The following HADHB variants were observed in gnomAD, a reference collection of about 807,000 sequenced individuals.
The protein encoded by HADHB is hydroxyacyl-CoA dehydrogenase trifunctional multienzyme complex subunit beta.
In HADHB, 50 loss-of-function variants were observed where a neutral mutation model predicts 61.9. That is an observed-to-expected ratio of 0.81 (90% CI 0.64 to 1.02). HADHB has a LOEUF of 1.02. Ranked by LOEUF, HADHB falls within the 50% of genes least tolerant of loss-of-function variation. The probability of loss-of-function intolerance (pLI) is 0.00; values close to 1 mark genes in which losing one functional copy is unlikely to be tolerated. For missense variants in HADHB, 504 were observed against 586.5 expected, an observed-to-expected ratio of 0.86 and a Z score of 1.45; for synonymous variants, 191 against 201.6, an observed-to-expected ratio of 0.95 and a Z score of 0.45.
intron 12 of HADHB, among the ~76,000 whole-genome samples, chr2:26,283,341 G>A (rs1214433068): frequency 6.6e-6 from 1 of 152,070 alleles, no homozygotes; most frequent in Non-Finnish European, 1.5e-5. Flanking sequence ...TGGCTAACAC[G>A]GTGAAGCCCT....
chr2:26,251,843 A>G (rs1030515892), intron 1 of HADHB, among the ~76,000 whole-genome samples: 2 of 152,138 alleles, frequency 1.3e-5, no homozygotes, highest in African/African-American at 2.4e-5. Context: ...AAGCTTTTGT[A>G]TTATCTATTT....
Position 26,261,027 on chromosome 2 carries a change from C to T in HADHB, c.110-2353C>T, listed in dbSNP as rs1230351951. The T allele has an allele frequency of 2.6e-6, 4 of 1,521,538 alleles. No individual in the cohort carries two copies. Among genetic ancestry groups the T allele is most frequent in the Admixed American group, 2.0e-5 (1 of 50,954 alleles). 94.3% of individuals were successfully genotyped at this position (1,521,538 alleles called of 1,614,324 possible). ...GTTGATCACTTGTAGGTAGATGACA[C>T]TGGTTTCTGGTTGGCTCCTATATGG... On this transcript the variant is annotated intron_variant, in intron 3 of 15. Transcript: ENST00000317799.
chr2:26,281,826 C>T (rs7595780), intron 10 of HADHB, among the ~76,000 whole-genome samples: 20 of 152,262 alleles, frequency 1.3e-4, no homozygotes, highest in African/African-American at 3.1e-4. Flanking sequence ...TATAAAAATA[C>T]GACAGAATGT....
intron 4 of HADHB, among the ~76,000 whole-genome samples, chr2:26,268,639 A>G (rs1199591793): frequency 6.6e-6 from 1 of 152,214 alleles, no homozygotes; most frequent in Non-Finnish European, 1.5e-5. Flanking sequence ...GACAAGGAAG[A>G]CTGAGAAACT....
chr2:26,246,490 C>G (rs990184226), intron 1 of HADHB, among the ~76,000 whole-genome samples: 1 of 151,976 alleles, frequency 6.6e-6, no homozygotes, highest in African/African-American at 2.4e-5. Context: ...CAAGCGCACA[C>G]CACCACGCCG....
chr2:26,289,927 A>G lies in HADHB; in HGVS notation c.1399A>G (p.Met467Val), dbSNP rs1323896748. 6.2e-7 allele frequency: 1 copy of G among 1,608,178 alleles called. No homozygotes were observed. The highest frequency in any genetic ancestry group is 8.5e-7 in the Non-Finnish European group (1 of 1,174,606). Residue 467 changes from methionine to valine, a missense_variant, in exon 16 of 16, where the codon ATG (methionine) becomes GTG (valine). Coordinates refer to ENST00000317799, the MANE Select transcript of HADHB (RefSeq NM_000183.3). ...TTTGTTTTCTTTACAGGGCCATGCT[A>G]TGATAGTGGAAGCTTATCCAAAATA... Reference protein sequence around the residue: ...ACAAGGQGHAMIVEAYPK With the variant: ...ACAAGGQGHAVIVEAYPK
At chr2:26,252,475 C>G (rs1374902387) in intron 1 of HADHB, among the ~76,000 whole-genome samples, 3 of 152,180 alleles carry the variant, frequency 2.0e-5, no homozygotes, top group Non-Finnish European at 4.4e-5. Flanking sequence ...ACCCAGTTCC[C>G]TTTCTTCCAG....
In HADHB at chr2:26,277,059, T is replaced by A; in HGVS notation, c.355-14T>A. On this transcript the variant is annotated splice_polypyrimidine_tract_variant and intron_variant, in intron 6 of 15. Transcript: ENST00000317799. Reference sequence around the variant, plus strand: ...CCCTTATAGTGATCATTTCATTCACTCTATTTCCTAAAGGCTGCCCTTGGA... The same window carrying A: ...CCCTTATAGTGATCATTTCATTCACACTATTTCCTAAAGGCTGCCCTTGGA... 7.4e-7 allele frequency: 1 copy of A among 1,353,086 alleles called. No homozygotes were observed. The highest frequency in any genetic ancestry group is 1.1e-6 in the Non-Finnish European group (1 of 942,672). 83.8% of individuals were successfully genotyped at this position (1,353,086 alleles called of 1,614,324 possible).
Position 26,244,959 on chromosome 2 carries a change from C to T in HADHB, c.-40C>T. 3.2e-6 allele frequency: 1 copy of T among 314,634 alleles called. No individual in the cohort carries two copies. The highest frequency in any genetic ancestry group is 6.3e-6 in the Non-Finnish European group (1 of 159,594). 19.5% of individuals were successfully genotyped at this position (314,634 alleles called of 1,614,324 possible). A position where few individuals can be genotyped will look rare whatever the true frequency, so the allele number is the denominator to read the frequency against. ...TTGGTACTTGGACCTGAACCTTGCT[C>T]CGAGAGGGAGTCCTCGCGGACGTCA... On this transcript the variant is annotated 5_prime_UTR_variant, in exon 1 of 16. Coordinates refer to ENST00000317799, the MANE Select transcript of HADHB (RefSeq NM_000183.3).
intron 4 of HADHB, among the ~76,000 whole-genome samples, chr2:26,268,089 C>T (rs1191342456): frequency 6.6e-6 from 1 of 152,150 alleles, no homozygotes; most frequent in African/African-American, 2.4e-5. Context: ...CTGCAGTGAC[C>T]TGTGATTGCA....
chr2:26,290,208 T>G lies in HADHB; in HGVS notation c.*255T>G. ...TGTGTGGGTGGTTGTTTTTGGTCTCTGTTGTCACTAAAGACTAAATGAGGG... is the reference window on the plus strand; with the variant it reads ...TGTGTGGGTGGTTGTTTTTGGTCTCGGTTGTCACTAAAGACTAAATGAGGG... On this transcript the variant is annotated 3_prime_UTR_variant, in exon 16 of 16. Coordinates refer to ENST00000317799, the MANE Select transcript of HADHB (RefSeq NM_000183.3). 1.9e-6 allele frequency: 1 copy of G among 537,140 alleles called. No individual in the cohort carries two copies. The allele number at this position is 537,140 out of a possible 1,614,324, so 33.3% of individuals were successfully genotyped here.
chr2:26,289,372 A>G (rs145177552), intron 15 of HADHB, among the ~76,000 whole-genome samples: 1 of 152,192 alleles, frequency 6.6e-6, no homozygotes, highest in Non-Finnish European at 1.5e-5. Flanking sequence ...CTTTGGAATC[A>G]TCTAGACCTG....
intron 10 of HADHB, 22 bp from the exon 11 acceptor site, chr2:26,282,823 A>C: frequency 6.3e-7 from 1 of 1,578,324 alleles, no homozygotes; most frequent in Non-Finnish European, 8.7e-7. Context: ...GAATTTTAAC[A>C]TTGTGCTGGT....
chr2:26,278,372 G>T (rs944968724), intron 7 of HADHB, among the ~76,000 whole-genome samples: 2 of 152,226 alleles, frequency 1.3e-5, no homozygotes, highest in African/African-American at 4.8e-5. Flanking sequence ...TGGTCCAATG[G>T]ATATTCCTAG....
intron 4 of HADHB, among the ~76,000 whole-genome samples, chr2:26,268,846 A>T (rs1021471360): frequency 6.6e-6 from 1 of 152,142 alleles, no homozygotes; most frequent in East Asian, 1.9e-4. Flanking sequence ...AGATGTCAGT[A>T]TTAGAAAAAG....
Position 26,246,475 on chromosome 2 carries a change from G to A in HADHB, c.-9+1485G>A, listed in dbSNP as rs546037036. On this transcript the variant is annotated intron_variant, in intron 1 of 15. Coordinates refer to ENST00000317799, the MANE Select transcript of HADHB (RefSeq NM_000183.3). ...CTGCCTCAGGCTCCCGAGTAGCTGG[G>A]ATTACAAGCGCACACCACCACGCCG... is the stretch of plus-strand genomic sequence containing the variant. Among the ~76,000 whole-genome samples the A allele has an allele frequency of 7.9e-4, 120 of 151,936 alleles. 3 individuals are homozygous for A. In the South Asian group the frequency reaches 0.025, roughly 31 times the overall value.
At chr2:26,278,105 G>A (rs900149501) in intron 7 of HADHB, among the ~76,000 whole-genome samples, 19 of 152,200 alleles carry the variant, frequency 1.2e-4, no homozygotes, top group Non-Finnish European at 2.6e-4. Context: ...CATGTGTGGC[G>A]GGGAATGATG....
At chr2:26,268,583 C>T (rs1173970457) in intron 4 of HADHB, among the ~76,000 whole-genome samples, 1 of 152,128 alleles carries the variant, frequency 6.6e-6, no homozygotes. Flanking sequence ...GATATTCTTC[C>T]CCTAAATCCA....
intron 1 of HADHB, among the ~76,000 whole-genome samples, chr2:26,250,110 G>A (rs972176989): frequency 3.3e-5 from 5 of 152,092 alleles, no homozygotes; most frequent in Admixed American, 1.3e-4. Context: ...GGGTTCAAGC[G>A]ATTTTCCTGC....
Sources: gnomAD v4.1 joint callset for allele counts (sites outside exome capture counted in the v4.1 genomes callset) on GRCh38, gnomAD v4.1.1 for gene constraint, MANE v1.5 for transcripts, NCBI Gene and HGNC (gene_info 2026-07-23, HGNC 2026-07-21) for gene names.